The following RBM25 variants were observed in gnomAD, a reference collection of about 807,000 sequenced individuals.
The protein encoded by RBM25 is RNA binding motif protein 25, also known as RNA-binding protein 25.
Under a neutral mutation model 120.7 loss-of-function variants are expected in RBM25, and 19 were observed. The ratio of observed to expected loss-of-function variants is 0.16; its 90% CI spans 0.11 to 0.23. RBM25 has a LOEUF of 0.23. Ranked by LOEUF, RBM25 falls within the 10% of genes least tolerant of loss-of-function variation. The pLI is 1.00. For synonymous variants in RBM25, 390 were observed against 326.7 expected, an observed-to-expected ratio of 1.19 and a Z score of -2.09; for missense variants, 605 against 1,041.5, an observed-to-expected ratio of 0.58 and a Z score of 5.77.
rs529261022 is a variant in RBM25 at position 73,122,103 on chromosome 14, G to C, written c.*2298G>C. ...TTAGACATTAAACAGGCATATTCTA[G>C]TGTCTGAAAATACACATAAGAAATT... is the stretch of plus-strand genomic sequence containing the variant. On this transcript the variant is annotated 3_prime_UTR_variant, in exon 19 of 19. Coordinates refer to ENST00000261973, the MANE Select transcript of RBM25 (RefSeq NM_021239.3). The C allele has an allele frequency of 6.6e-6, 1 of 152,264 alleles. No homozygotes were observed. The highest frequency in any genetic ancestry group is 1.9e-4 in the East Asian group (1 of 5,192). The allele number at this position is 152,264 out of a possible 1,614,324, so 9.4% of individuals were successfully genotyped here.
At chr14:73,110,594 A>G (rs1288580365) in intron 14 of RBM25, among the ~76,000 whole-genome samples, 1 of 151,642 alleles carries the variant, frequency 6.6e-6, no homozygotes, top group East Asian at 1.9e-4. Flanking sequence ...ACACCTGGCT[A>G]ATTTTTGTAT....
At position 73,096,994 on chromosome 14, in the gene RBM25, A is replaced by G; in HGVS notation, c.623A>G (p.Lys208Arg). The G allele has an allele frequency of 6.2e-7, 1 of 1,613,906 alleles. No individual in the cohort carries two copies. The highest frequency in any genetic ancestry group is 8.5e-7 in the Non-Finnish European group (1 of 1,179,938). Reference sequence around the variant, plus strand: ...ACAAAGAGGAGAGATCAGATGATTAAAGGGGCTATTGAAGTTTTAATTCGT... The same window carrying G: ...ACAAAGAGGAGAGATCAGATGATTAGAGGGGCTATTGAAGTTTTAATTCGT... The part of the protein sequence containing the change: ...EETKRRDQMI[K>R]GAIEVLIREY... Residue 208 changes from lysine (K) to arginine (R), a missense_variant, in exon 7 of 19, where the codon AAA becomes AGA. Lys to Arg is a conservative substitution (Grantham distance 26). Transcript: ENST00000261973.
rs1434658483 is a variant in RBM25 at position 73,076,303 on chromosome 14, G to T, written c.107-16G>T. 1 of 1,604,108 alleles carries T rather than the reference G, an allele frequency of 6.2e-7. No individual in the cohort carries two copies. The highest frequency in any genetic ancestry group is 2.2e-5 in the East Asian group (1 of 44,786). ...AATGCAGTCATGTAAAATCAGTGTG[G>T]TTTTTCTTTTCTTAGGGACCCCAAT... On this transcript the variant is annotated splice_polypyrimidine_tract_variant and intron_variant, in intron 2 of 18. Coordinates refer to ENST00000261973, the MANE Select transcript of RBM25 (RefSeq NM_021239.3).
chr14:73,103,394 G>A lies in RBM25; in HGVS notation c.1070G>A (p.Arg357Lys). ...RDRDRDRTKERDRDRDRERDR... is the reference protein window; with the variant it reads ...RDRDRDRTKEKDRDRDRERDR... ...AGGGACCGTGACCGGACAAAAGAGA[G>A]AGACCGAGATCGGGATCGAGAGAGA... Residue 357 changes from arginine to lysine, a missense_variant, in exon 10 of 19, where the codon AGA becomes AAA. Physicochemically the swap from Arg to Lys is conservative, Grantham distance 26. Transcript: ENST00000261973. 1 of 1,613,242 alleles carries A rather than the reference G, an allele frequency of 6.2e-7. No homozygotes were observed. Among genetic ancestry groups the A allele is most frequent in the African/African-American group, 1.3e-5 (1 of 75,018 alleles).
chr14:73,064,177 C>T (rs1895072065), intron 1 of RBM25, among the ~76,000 whole-genome samples: 1 of 151,394 alleles, frequency 6.6e-6, no homozygotes, highest in Non-Finnish European at 1.5e-5. Flanking sequence ...AAGTACATAC[C>T]ATCTTTCAAT....
At chr14:73,112,981 C>CT (rs947820044) in intron 17 of RBM25, among the ~76,000 whole-genome samples, 1 of 150,830 alleles carries the variant, frequency 6.6e-6, no homozygotes, top group African/African-American at 2.4e-5. Context: ...TTTTTTTTTT[C>CT]TTTTTTTGTT....
chr14:73,119,614 T>C (rs1896504970), intron 18 of RBM25, 99 bp from the exon 19 acceptor site: 2 of 1,566,526 alleles, frequency 1.3e-6, no homozygotes, highest in Non-Finnish European at 1.7e-6. Context: ...TAAGTGCTTA[T>C]TGTCAGTGGA....
chr14:73,106,345 T>A, intron 12 of RBM25, 60 bp downstream of exon 12: 1 of 1,300,066 alleles, frequency 7.7e-7, no homozygotes, highest in Non-Finnish European at 1.1e-6. Context: ...GTATCTTTAC[T>A]GCTAACTACA....
intron 10 of RBM25, among the ~76,000 whole-genome samples, chr14:73,105,237 A>G: frequency 6.6e-6 from 1 of 150,478 alleles, no homozygotes; most frequent in East Asian, 2.0e-4. Flanking sequence ...CCTCTGGAGT[A>G]GGCAGGACTA....
rs546040303 is a variant in RBM25 at position 73,099,572 on chromosome 14, C to G, written c.784-95C>G. 145 of 1,585,236 alleles carry G rather than the reference C, an allele frequency of 9.1e-5. 3 individuals carry two copies. The South Asian group carries it at 1.7e-3, about 18-fold the overall frequency. On this transcript the variant is annotated intron_variant, in intron 8 of 18. Coordinates refer to ENST00000261973, the MANE Select transcript of RBM25 (RefSeq NM_021239.3). The stretch of plus-strand genomic sequence containing the variant: ...TGTGGATATTCTGTTTACTTATTTA[C>G]TCTTTGAGACCTATACAGAATATCT...
rs917280882 is a variant in RBM25, at chr14:73,099,951, A to G, written c.867+201A>G. The G allele has an allele frequency of 8.3e-5, 61 of 733,628 alleles. No homozygotes were observed. In the African/African-American group the frequency reaches 9.7e-4, roughly 12 times the overall value. 45.4% of individuals were successfully genotyped at this position (733,628 alleles called of 1,614,324 possible). On this transcript the variant is annotated intron_variant, in intron 9 of 18. Transcript: ENST00000261973. ...TTGACATGTTGTGCTTAGTTTTTTC[A>G]GTTACTGACTATTCTGCAGTCATCT...
Position 73,106,269 on chromosome 14 carries a change from AAAG to A in RBM25, c.1459_1461del (p.Arg487del), listed in dbSNP as rs1379612507. On this transcript the variant is annotated inframe_deletion, in exon 12 of 19. Coordinates refer to ENST00000261973, the MANE Select transcript of RBM25 (RefSeq NM_021239.3). ...GAGAAAGAAGCTGAAAGAGAAGAAG[AAAG>A]AAGAAGAGAAATGGTAAGATTCTAG... 2.5e-6 allele frequency: 4 copies of A among 1,595,782 alleles called. No homozygotes were observed. Among genetic ancestry groups the A allele is most frequent in the Admixed American group, 1.8e-5 (1 of 55,696 alleles).
chr14:73,087,062 T>TGTTAATA (rs33912516), intron 5 of RBM25, among the ~76,000 whole-genome samples: 1 of 152,204 alleles, frequency 6.6e-6, no homozygotes, highest in Admixed American at 6.5e-5. Context: ...CACACTGAAA[T>TGTTAATA]GTCAAATTTA....
chr14:73,090,649 T>C (rs560637197), intron 6 of RBM25, among the ~76,000 whole-genome samples: 2 of 152,348 alleles, frequency 1.3e-5, no homozygotes, highest in Admixed American at 6.5e-5. Context: ...TTAGTAGATA[T>C]TGTTTATATA....
chr14:73,102,984 C>T, intron 9 of RBM25: 1 of 985,244 alleles, frequency 1.0e-6, no homozygotes, highest in Non-Finnish European at 1.4e-6. Context: ...TTGGAGATTC[C>T]TGGTCTGTGT....
rs561467618 is a variant in RBM25, at chr14:73,105,778, A to G, written c.1155-81A>G. 43 of 1,547,582 alleles carry G rather than the reference A, an allele frequency of 2.8e-5. No individual in the cohort carries two copies. In the African/African-American group the frequency reaches 5.4e-4, roughly 19 times the overall value. The stretch of plus-strand genomic sequence containing the variant: ...CCTGTGAGATTTTATATTATTTCAT[A>G]ATGTATGTTGTCCTCCTTTACTTTG... On this transcript the variant is annotated intron_variant, in intron 10 of 18. Coordinates refer to ENST00000261973, the MANE Select transcript of RBM25 (RefSeq NM_021239.3).
intron 1 of RBM25, chr14:73,068,580 G>A (rs942095241): frequency 2.3e-5 from 13 of 562,370 alleles, no homozygotes; most frequent in South Asian, 1.3e-4. Context: ...GCCAGTGTAC[G>A]GTAGATCTGA....
intron 1 of RBM25, chr14:73,068,389 T>G (rs112184712): frequency 6.7e-5 from 26 of 387,596 alleles, no homozygotes; most frequent in African/African-American, 4.7e-4. Context: ...TGTATTTGAT[T>G]TTTTTTTTTT....
intron 6 of RBM25, among the ~76,000 whole-genome samples, chr14:73,090,249 C>G (rs1199616946): frequency 6.6e-6 from 1 of 152,068 alleles, no homozygotes; most frequent in Non-Finnish European, 1.5e-5. Flanking sequence ...TGGGATTTCT[C>G]CATGTCTTCC....
Sources: allele counts gnomAD v4.1 joint callset (sites outside exome capture counted in the v4.1 genomes callset), GRCh38; gene constraint gnomAD v4.1.1; transcripts MANE v1.5; gene names NCBI Gene and HGNC (gene_info 2026-07-23, HGNC 2026-07-21).